The following GOLM2 variants were observed in gnomAD, a reference collection of about 807,000 sequenced individuals.
GOLM2 encodes golgi membrane protein 2, also known as protein GOLM2.
A neutral mutation model predicts 55.9 loss-of-function variants in GOLM2; 26 were observed. The ratio of observed to expected loss-of-function variants is 0.47; its 90% CI spans 0.34 to 0.65. The LOEUF (loss-of-function observed/expected upper bound fraction) is 0.65. Ranked by LOEUF, GOLM2 falls within the 30% of genes least tolerant of loss-of-function variation. The probability of loss-of-function intolerance (pLI) is 0.01; values close to 1 mark genes in which losing one functional copy is unlikely to be tolerated. For missense variants in GOLM2, 486 were observed against 531.8 expected, an observed-to-expected ratio of 0.91 and a Z score of 0.85; for synonymous variants, 165 against 194.6, an observed-to-expected ratio of 0.85 and a Z score of 1.27.
intron 9 of GOLM2, among the ~76,000 whole-genome samples, chr15:44,410,474 A>G (rs866494272): frequency 1.3e-5 from 2 of 152,076 alleles, no homozygotes; most frequent in Non-Finnish European, 2.9e-5. Flanking sequence ...GTTCATTGAT[A>G]ATTGATTAGC....
intron 4 of GOLM2, among the ~76,000 whole-genome samples, chr15:44,334,872 A>G (rs994025625): frequency 1.3e-5 from 2 of 152,150 alleles, no homozygotes; most frequent in African/African-American, 2.4e-5. Context: ...TCTACTAAAA[A>G]TACAAAAAGT....
At chr15:44,315,447 A>G (rs2078902948) in intron 1 of GOLM2, among the ~76,000 whole-genome samples, 1 of 152,344 alleles carries the variant, frequency 6.6e-6, no homozygotes, top group Admixed American at 6.5e-5. Context: ...AAGAGCTGCC[A>G]AAATTAATTT....
At chr15:44,306,806 G>A (rs75113892) in intron 1 of GOLM2, among the ~76,000 whole-genome samples, 7,887 of 152,168 alleles carry the variant, frequency 0.052, 330 homozygotes, top group East Asian at 0.19. Context: ...GGTAACTCCC[G>A]TTATCGTCTC....
At chr15:44,365,325 A>C (rs2079276488) in intron 6 of GOLM2, among the ~76,000 whole-genome samples, 1 of 152,082 alleles carries the variant, frequency 6.6e-6, no homozygotes, top group Admixed American at 6.6e-5. Flanking sequence ...CCAGGAGTTC[A>C]AGATCAGCCT....
chr15:44,311,463 C>A (rs984279717), intron 1 of GOLM2, among the ~76,000 whole-genome samples: 4 of 151,428 alleles, frequency 2.6e-5, no homozygotes, highest in African/African-American at 9.7e-5. Flanking sequence ...AAAAAGATTG[C>A]TTTTCTTTTT....
intron 6 of GOLM2, among the ~76,000 whole-genome samples, chr15:44,367,953 C>G (rs1412193718): frequency 6.6e-6 from 1 of 151,772 alleles, no homozygotes; most frequent in Non-Finnish European, 1.5e-5. Flanking sequence ...CAAGATATGC[C>G]TTAGTATGGG....
At chr15:44,295,175 G>T (rs2078748024) in intron 1 of GOLM2, among the ~76,000 whole-genome samples, 1 of 152,030 alleles carries the variant, frequency 6.6e-6, no homozygotes, top group Non-Finnish European at 1.5e-5. Flanking sequence ...CACCCGCCGG[G>T]CTGAAGTGAT....
At chr15:44,378,023 AT>A (rs1041279750) in intron 6 of GOLM2, among the ~76,000 whole-genome samples, 15 of 149,204 alleles carry the variant, frequency 1.0e-4, no homozygotes, top group African/African-American at 3.7e-4. Flanking sequence ...ATATATATAT[AT>A]TTTTTAAATT....
chr15:44,312,005 A>G (rs2141121234), intron 1 of GOLM2, among the ~76,000 whole-genome samples: 1 of 152,282 alleles, frequency 6.6e-6, no homozygotes, highest in Admixed American at 6.5e-5. Flanking sequence ...TCAAACTTGC[A>G]TGTTCTTGGG....
At chr15:44,319,460 A>G (rs1157776936) in intron 1 of GOLM2, among the ~76,000 whole-genome samples, 1 of 152,124 alleles carries the variant, frequency 6.6e-6, no homozygotes, top group Non-Finnish European at 1.5e-5. Flanking sequence ...AGTTTGAATG[A>G]TCCTCCTGCC....
At chr15:44,302,680 G>A (rs934499742) in intron 1 of GOLM2, among the ~76,000 whole-genome samples, 4 of 151,484 alleles carry the variant, frequency 2.6e-5, no homozygotes, top group Non-Finnish European at 2.9e-5. Flanking sequence ...TTGTAGAGAT[G>A]GGGTTTCATT....
At position 44,289,350 on chromosome 15, in the gene GOLM2, T is replaced by C; in HGVS notation, c.321T>C (p.Asp107=). 1 of 1,611,562 alleles carries C rather than the reference T, an allele frequency of 6.2e-7. No homozygotes were observed. The highest frequency in any genetic ancestry group is 8.5e-7 in the Non-Finnish European group (1 of 1,178,964). The change falls in exon 1 of 10, where the codon GAT becomes GAC. Residue 107 remains aspartate, a synonymous_variant. Transcript: ENST00000299957. This position sits in a 1 kb window ranked among gnomAD's most constrained non-coding sequence, Gnocchi z 4.8. ...AGGGCCTCGGGAAGAGATGCGAGGA[T>C]GACAAGGTAAGGACGACCCTTTTCT... ...AREGLGKRCE[D]DKVKLQNNIS...
intron 3 of GOLM2, among the ~76,000 whole-genome samples, chr15:44,330,615 C>G (rs115760126): frequency 0.033 from 4,941 of 151,810 alleles, 279 homozygotes; most frequent in African/African-American, 0.11. Flanking sequence ...CCTGTGGTCC[C>G]AGCTACTTGG....
intron 6 of GOLM2, among the ~76,000 whole-genome samples, chr15:44,359,417 C>T (rs1380276765): frequency 6.6e-6 from 1 of 151,942 alleles, no homozygotes; most frequent in African/African-American, 2.4e-5. Context: ...GAAACCCCGT[C>T]TCTACTAAAA....
chr15:44,294,232 A>G (rs1323397455), intron 1 of GOLM2, among the ~76,000 whole-genome samples: 1 of 152,164 alleles, frequency 6.6e-6, no homozygotes, highest in African/African-American at 2.4e-5. Context: ...CCCTAGAGTC[A>G]ACCATTTCTC....
At chr15:44,351,508 C>T (rs1318198278) in intron 6 of GOLM2, among the ~76,000 whole-genome samples, 3 of 143,524 alleles carry the variant, frequency 2.1e-5, no homozygotes, top group African/African-American at 7.8e-5. Flanking sequence ...ACCCGGGAGG[C>T]ACAGCTTGCA....
chr15:44,391,433 C>G (rs1012007878), intron 8 of GOLM2, among the ~76,000 whole-genome samples: 1 of 151,578 alleles, frequency 6.6e-6, no homozygotes, highest in Admixed American at 6.6e-5. Flanking sequence ...AGGAGAATGG[C>G]GTGAACCCGG....
At chr15:44,363,040 A>G (rs1313026721) in intron 6 of GOLM2, among the ~76,000 whole-genome samples, 2 of 152,210 alleles carry the variant, frequency 1.3e-5, no homozygotes, top group East Asian at 3.8e-4. Context: ...ACAAAAATCA[A>G]TTCAAGATGG....
chr15:44,312,855 C>T (rs904107283), intron 1 of GOLM2, among the ~76,000 whole-genome samples: 1 of 151,692 alleles, frequency 6.6e-6, no homozygotes, highest in Admixed American at 6.6e-5. Context: ...CCGAGGCAGG[C>T]GGATCACGAG....
Sources: gnomAD v4.1 joint callset for allele counts (sites outside exome capture counted in the v4.1 genomes callset) on GRCh38, gnomAD v4.1.1 for gene constraint, Gnocchi (gnomAD v3.1) non-coding constraint, MANE v1.5 for transcripts, NCBI Gene and HGNC (gene_info 2026-07-23, HGNC 2026-07-21) for gene names.